The following SLC44A5 variants were observed in gnomAD, a reference collection of about 807,000 sequenced individuals.
SLC44A5 encodes choline transporter-like protein 5.
SLC44A5 carries 57 observed loss-of-function variants against 101.8 expected under a neutral mutation model. That is an observed-to-expected ratio of 0.56 (90% confidence interval 0.45 to 0.70). The LOEUF is 0.70. SLC44A5 is among the 30% of genes least tolerant of loss of function. The pLI, the probability that SLC44A5 is intolerant of heterozygous loss-of-function variation, is 0.00. For synonymous variants in SLC44A5, 281 were observed against 290.9 expected, an observed-to-expected ratio of 0.97 and a Z score of 0.35; for missense variants, 737 against 853.1, an observed-to-expected ratio of 0.86 and a Z score of 1.70.
intron 2 of SLC44A5, among the ~76,000 whole-genome samples, chr1:75,529,234 C>A (rs1199130744): frequency 6.6e-6 from 1 of 152,118 alleles, no homozygotes; most frequent in African/African-American, 2.4e-5. Context: ...TGTTGAAAAT[C>A]TCTCCAAAAT....
At position 75,233,973 on chromosome 1, in the gene SLC44A5, G is replaced by A; in HGVS notation, c.853+13C>T. ...TTCTGATATTTGATAATTTGAAGAG[G>A]AGTGATACCTACCATAACCTATAAT... is the stretch of plus-strand genomic sequence containing the variant. On this transcript the variant is annotated intron_variant, in intron 12 of 23. Transcript: ENST00000370859. 6.5e-7 allele frequency: 1 copy of A among 1,534,102 alleles called. No individual in the cohort carries two copies. Among genetic ancestry groups the A allele is most frequent in the Non-Finnish European group, 9.0e-7 (1 of 1,109,074 alleles).
intron 3 of SLC44A5, among the ~76,000 whole-genome samples, chr1:75,366,240 G>A (rs1379805052): frequency 1.3e-5 from 2 of 152,084 alleles, no homozygotes; most frequent in Non-Finnish European, 2.9e-5. Flanking sequence ...AAGTCCCTCA[G>A]CTTTTGTTTG....
intron 2 of SLC44A5, among the ~76,000 whole-genome samples, chr1:75,536,621 A>G (rs978287047): frequency 9.6e-5 from 3 of 31,228 alleles, no homozygotes; most frequent in African/African-American, 1.3e-4. Flanking sequence ...AAAAAAGAAA[A>G]GAAAAGAAAG....
intron 2 of SLC44A5, among the ~76,000 whole-genome samples, chr1:75,409,493 G>C (rs1206753378): frequency 6.6e-6 from 1 of 152,146 alleles, no homozygotes; most frequent in Non-Finnish European, 1.5e-5. Flanking sequence ...TGTTAGAACA[G>C]AGTGAGTGTT....
At chr1:75,498,405 T>C (rs1354061872) in intron 2 of SLC44A5, among the ~76,000 whole-genome samples, 1 of 152,204 alleles carries the variant, frequency 6.6e-6, no homozygotes, top group East Asian at 1.9e-4. Context: ...AAATTTGATA[T>C]TACTTCAGTC....
chr1:75,330,178 CATAT>C (rs371577693), intron 4 of SLC44A5, among the ~76,000 whole-genome samples: 7 of 122,242 alleles, frequency 5.7e-5, no homozygotes, highest in South Asian at 2.7e-4. Context: ...CGTATATATG[CATAT>C]ATATACGTAT....
At chr1:75,408,686 C>T (rs1663067962) in intron 2 of SLC44A5, among the ~76,000 whole-genome samples, 1 of 149,296 alleles carries the variant, frequency 6.7e-6, no homozygotes, top group South Asian at 2.2e-4. Context: ...GGGAGGGGAA[C>T]ATCACACACT....
Position 75,510,151 on chromosome 1 carries a change from T to C in SLC44A5, c.13+31284A>G, listed in dbSNP as rs181962089. Among the ~76,000 whole-genome samples, 44 of 152,170 alleles carry C rather than the reference T, an allele frequency of 2.9e-4. No homozygotes were observed. In the East Asian group the frequency reaches 8.3e-3, roughly 29 times the overall value. On this transcript the variant is annotated intron_variant, in intron 2 of 23. Transcript: ENST00000370859. ...CCCACTGGGTCCCTCCCATGAGACATGAGAATTATGGGAGCTACAATTCAA... is the reference window on the plus strand; with the variant it reads ...CCCACTGGGTCCCTCCCATGAGACACGAGAATTATGGGAGCTACAATTCAA...
chr1:75,406,486 G>A (rs577961225), intron 2 of SLC44A5, among the ~76,000 whole-genome samples: 40 of 152,028 alleles, frequency 2.6e-4, no homozygotes, highest in Non-Finnish European at 7.4e-5. Context: ...AACCAAATCC[G>A]GCAGCACATC....
chr1:75,327,486 T>A (rs561674631), intron 4 of SLC44A5, among the ~76,000 whole-genome samples: 3 of 152,306 alleles, frequency 2.0e-5, no homozygotes, highest in Admixed American at 2.0e-4. Context: ...AGGCTAGCAG[T>A]GAAAAGCTAT....
At chr1:75,510,325 C>G (rs934166888) in intron 2 of SLC44A5, among the ~76,000 whole-genome samples, 2 of 151,952 alleles carry the variant, frequency 1.3e-5, no homozygotes, top group African/African-American at 4.8e-5. Context: ...CAAGGATGTT[C>G]TAGGAAAATA....
At chr1:75,553,193 C>A (rs1403954607) in intron 1 of SLC44A5, among the ~76,000 whole-genome samples, 3 of 152,142 alleles carry the variant, frequency 2.0e-5, no homozygotes, top group African/African-American at 7.2e-5. Flanking sequence ...TACAGTTTCT[C>A]TCAGTTCAAT....
At chr1:75,435,405 T>C (rs998999713) in intron 2 of SLC44A5, among the ~76,000 whole-genome samples, 1 of 152,172 alleles carries the variant, frequency 6.6e-6, no homozygotes, top group African/African-American at 2.4e-5. Context: ...TACATCAGCA[T>C]CACTCTTGGC....
At chr1:75,203,869 C>A in intron 23 of SLC44A5, 36 bp from the exon 24 acceptor site, 1 of 1,515,038 alleles carries the variant, frequency 6.6e-7, no homozygotes. Context: ...AATATCAAAG[C>A]AGAACTGTAA....
At chr1:75,265,185 A>C (rs896605920) in intron 6 of SLC44A5, among the ~76,000 whole-genome samples, 1 of 152,222 alleles carries the variant, frequency 6.6e-6, no homozygotes, top group South Asian at 2.1e-4. Context: ...TACAGAGAAG[A>C]ATTAAAACCA....
intron 2 of SLC44A5, among the ~76,000 whole-genome samples, chr1:75,411,883 C>A (rs1663304056): frequency 6.6e-6 from 1 of 152,012 alleles, no homozygotes; most frequent in African/African-American, 2.4e-5. Context: ...AGAAAATGTG[C>A]CAAAATACCA....
chr1:75,357,152 T>C, intron 3 of SLC44A5: 1 of 454,934 alleles, frequency 2.2e-6, no homozygotes, highest in Non-Finnish European at 4.4e-6. Context: ...TTATCTTACT[T>C]GCAGGAATTT....
chr1:75,393,790 C>T (rs979561903), intron 3 of SLC44A5, among the ~76,000 whole-genome samples: 21 of 152,014 alleles, frequency 1.4e-4, no homozygotes, highest in Admixed American at 1.3e-4. Context: ...GTAATAGCTG[C>T]AGATAAAAAT....
chr1:75,493,327 C>T (rs1668517501), intron 2 of SLC44A5, among the ~76,000 whole-genome samples: 1 of 152,100 alleles, frequency 6.6e-6, no homozygotes, highest in South Asian at 2.1e-4. Flanking sequence ...TGGTATTTAA[C>T]CTTTACATGT....
Sources: gnomAD v4.1 joint callset for allele counts (sites outside exome capture counted in the v4.1 genomes callset) on GRCh38, gnomAD v4.1.1 for gene constraint, MANE v1.5 for transcripts, NCBI Gene and HGNC (gene_info 2026-07-23, HGNC 2026-07-21) for gene names.